MAML3: variants seen among roughly 807,000 people sequenced by gnomAD.
MAML3 encodes the protein mastermind-like protein 3.
In MAML3, 27 loss-of-function variants were observed where a neutral mutation model predicts 101.9. The ratio of observed to expected loss-of-function variants is 0.27; its 90% confidence interval spans 0.20 to 0.37. The LOEUF (loss-of-function observed/expected upper bound fraction) is 0.37. Among genes scored for constraint, MAML3 ranks in the 10% least tolerant of loss-of-function variants. The probability of loss-of-function intolerance (pLI) is 1.00; values close to 1 mark genes in which losing one functional copy is unlikely to be tolerated. For missense variants in MAML3, 1,316 were observed against 1,444.9 expected, an observed-to-expected ratio of 0.91 and a Z score of 1.45; for synonymous variants, 501 against 555.9, an observed-to-expected ratio of 0.90 and a Z score of 1.39.
intron 2 of MAML3, among the ~76,000 whole-genome samples, chr4:139,857,352 G>C (rs1731679237): frequency 1.3e-5 from 2 of 152,188 alleles, no homozygotes; most frequent in Non-Finnish European, 2.9e-5. Flanking sequence ...GAACATGATA[G>C]AGGTCCCCCA....
rs12498554 is a variant in MAML3, at chr4:140,138,947, A to T, written c.468+13913T>A. 6.5e-3 allele frequency among the ~76,000 whole-genome samples: 997 copies of T among 152,292 alleles called. 4 individuals are homozygous for T. Among genetic ancestry groups the T allele is most frequent in the Middle Eastern group, 0.031 (9 of 294 alleles). On this transcript the variant is annotated intron_variant, in intron 1 of 4. Transcript: ENST00000509479. The stretch of plus-strand genomic sequence containing the variant: ...TGTTAACAAGATACTCCTATTTATA[A>T]ATTCATATGGCTATTTGGCTATTCT...
chr4:139,864,962 G>T (rs2111170412), intron 2 of MAML3, among the ~76,000 whole-genome samples: 1 of 31,082 alleles, frequency 3.2e-5, no homozygotes, highest in Non-Finnish European at 5.9e-5. Flanking sequence ...TTGCCACAAA[G>T]CTTTACTTGT....
chr4:139,766,131 C>T (rs1438431283), intron 2 of MAML3, among the ~76,000 whole-genome samples: 4 of 141,650 alleles, frequency 2.8e-5, no homozygotes, highest in African/African-American at 5.3e-5. Context: ...CTGGTTGTTT[C>T]GTAAGGCACT....
chr4:139,753,922 G>A (rs1255163518), intron 2 of MAML3, among the ~76,000 whole-genome samples: 1 of 152,180 alleles, frequency 6.6e-6, no homozygotes, highest in Admixed American at 6.5e-5. Flanking sequence ...ACAGATAAGG[G>A]AATGATTAAC....
At chr4:140,093,388 C>A (rs1432047839) in intron 1 of MAML3, among the ~76,000 whole-genome samples, 1 of 151,566 alleles carries the variant, frequency 6.6e-6, no homozygotes, top group African/African-American at 2.4e-5. Context: ...TGGATCCTAA[C>A]CACAAAAGCT....
chr4:139,748,572 A>C (rs1463099219), intron 2 of MAML3, among the ~76,000 whole-genome samples: 1 of 152,216 alleles, frequency 6.6e-6, no homozygotes, highest in Non-Finnish European at 1.5e-5. Context: ...AGAAGAGGCC[A>C]AGAACAGACC....
At chr4:139,749,083 G>GA (rs1480103131) in intron 2 of MAML3, among the ~76,000 whole-genome samples, 6 of 152,072 alleles carry the variant, frequency 3.9e-5, no homozygotes, top group Non-Finnish European at 8.8e-5. Flanking sequence ...AGCTCAAATG[G>GA]AAAAATATAT....
chr4:139,971,839 C>G (rs1734240256), intron 1 of MAML3, among the ~76,000 whole-genome samples: 1 of 152,114 alleles, frequency 6.6e-6, no homozygotes, highest in Admixed American at 6.5e-5. Context: ...TGTGAGCATT[C>G]CCTGGTCCAG....
rs142764884 is a variant in MAML3 at position 139,907,600 on chromosome 4, T to C, written c.469-16633A>G. Among the ~76,000 whole-genome samples the C allele has an allele frequency of 3.1e-3, 469 of 152,346 alleles. 1 individual carries two copies. The highest frequency in any genetic ancestry group is 0.011 in the African/African-American group (439 of 41,582). ...ATTACATGACTCATTCAAAAGAATT[T>C]GTGACTTTTTGATGGCCCATTGGGT... On this transcript the variant is annotated intron_variant, in intron 1 of 4. Transcript: ENST00000509479.
At chr4:139,954,577 G>A (rs544283065) in intron 1 of MAML3, among the ~76,000 whole-genome samples, 17 of 152,338 alleles carry the variant, frequency 1.1e-4, no homozygotes, top group Non-Finnish European at 2.1e-4. Context: ...TCCAGAGGCT[G>A]GAGCCAAGGC....
At chr4:140,074,187 G>GAGAAAGAA (rs1215489159) in intron 1 of MAML3, among the ~76,000 whole-genome samples, 22 of 124,824 alleles carry the variant, frequency 1.8e-4, no homozygotes, top group African/African-American at 5.2e-4. Flanking sequence ...AAGAGAGAGA[G>GAGAAAGAA]AGAGAAAGAA....
chr4:139,937,512 G>A (rs915530816), intron 1 of MAML3, among the ~76,000 whole-genome samples: 6 of 151,556 alleles, frequency 4.0e-5, no homozygotes, highest in Non-Finnish European at 5.9e-5. Flanking sequence ...TCAGACTCCC[G>A]AGTAGCTGGG....
At chr4:139,845,773 AC>A (rs1168099710) in intron 2 of MAML3, among the ~76,000 whole-genome samples, 1 of 152,206 alleles carries the variant, frequency 6.6e-6, no homozygotes, top group Non-Finnish European at 1.5e-5. Context: ...ATCCCCTTAT[AC>A]CTGATATTAT....
rs1471491021 is a variant in MAML3, at chr4:139,942,690, AC to A, written c.469-51724del. Among the ~76,000 whole-genome samples, 3 of 152,056 alleles carry A rather than the reference AC, an allele frequency of 2.0e-5. No individual in the cohort carries two copies. The East Asian group carries it at 5.8e-4, about 29-fold the overall frequency. On this transcript the variant is annotated intron_variant, in intron 1 of 4. Transcript: ENST00000509479. ...GTCTATACTCCTAATATTAATTATAACCAACTCAGATTTATAGTTTTTCTAT... is the reference window on the plus strand; with the variant it reads ...GTCTATACTCCTAATATTAATTATAACAACTCAGATTTATAGTTTTTCTAT...
At chr4:139,866,719 C>T (rs928090895) in intron 2 of MAML3, among the ~76,000 whole-genome samples, 2 of 152,134 alleles carry the variant, frequency 1.3e-5, no homozygotes, top group African/African-American at 4.8e-5. Flanking sequence ...TGATGGAAGT[C>T]AGCCAAGCGA....
rs1452065431 is a variant in MAML3, at chr4:140,147,911, A to T, written c.468+4949T>A. ...TCACACCAGGGTGAGTGAGTGAATG[A>T]GTGAATGTGTGTGTGTGTGTGTGCA... On this transcript the variant is annotated intron_variant, in intron 1 of 4. Coordinates refer to ENST00000509479, the MANE Select transcript of MAML3 (RefSeq NM_018717.5). 2.1e-3 allele frequency among the ~76,000 whole-genome samples: 121 copies of T among 58,636 alleles called. 1 individual carries two copies. The Middle Eastern group carries it at 0.025, about 12-fold the overall frequency. The allele number at this position is 58,636 out of a possible 152,430, so 38.5% of individuals were successfully genotyped here. A position where few individuals can be genotyped will look rare whatever the true frequency, so the allele number is the denominator to read the frequency against.
At chr4:140,074,213 G>GAAAGAA (rs1390643537) in intron 1 of MAML3, among the ~76,000 whole-genome samples, 1 of 137,326 alleles carries the variant, frequency 7.3e-6, no homozygotes, top group South Asian at 2.3e-4. Context: ...AAGAAAGAAA[G>GAAAGAA]AAAGAAAGAA....
chr4:140,122,032 C>T (rs1728614120), intron 1 of MAML3, among the ~76,000 whole-genome samples: 1 of 152,120 alleles, frequency 6.6e-6, no homozygotes, highest in African/African-American at 2.4e-5. Context: ...CTTCTCCTTC[C>T]GCCATGATTG....
rs549874129 is a variant in MAML3 at position 139,795,124 on chromosome 4, C to T, written c.2080-64457G>A. Among the ~76,000 whole-genome samples the T allele has an allele frequency of 4.6e-5, 7 of 152,296 alleles. No homozygotes were observed. The South Asian group carries it at 1.5e-3, about 32-fold the overall frequency. On this transcript the variant is annotated intron_variant, in intron 2 of 4. Transcript: ENST00000509479. ...GATGGAAGATTTACATCATATCTGTCAGCATGTCAATAACCCATCCTGAAA... is the reference window on the plus strand; with the variant it reads ...GATGGAAGATTTACATCATATCTGTTAGCATGTCAATAACCCATCCTGAAA...
Sources: allele counts gnomAD v4.1 joint callset (sites outside exome capture counted in the v4.1 genomes callset), GRCh38; gene constraint gnomAD v4.1.1; transcripts MANE v1.5; gene names NCBI Gene and HGNC (gene_info 2026-07-23, HGNC 2026-07-21).